Variants in DNAJC21 observed in about 807,000 individuals in gnomAD.
DNAJC21 encodes DnaJ heat shock protein family (Hsp40) member C21, also known as dnaJ homolog subfamily C member 21.
A neutral mutation model predicts 72.4 loss-of-function variants in DNAJC21; 63 were observed. The observed-to-expected ratio is 0.87, with a 90% CI of 0.71 to 1.07. DNAJC21 has a LOEUF of 1.07. DNAJC21 is among the 50% of genes least tolerant of loss of function. The pLI is 0.00. For synonymous variants in DNAJC21, 203 were observed against 216.7 expected (o/e 0.94, Z 0.56); for missense variants, 634 against 644.8 (o/e 0.98, Z 0.18).
intron 1 of DNAJC21, among the ~76,000 whole-genome samples, chr5:34,933,419 G>A (rs1764664859): frequency 6.6e-6 from 1 of 152,180 alleles, no homozygotes; most frequent in Non-Finnish European, 1.5e-5. Context: ...CTACAGGCAT[G>A]CGCCACCACA....
At chr5:34,949,412 C>A (rs1159103348) in intron 9 of DNAJC21, 3 of 1,413,590 alleles carry the variant, frequency 2.1e-6, no homozygotes, top group Non-Finnish European at 9.4e-7. Context: ...CTTGATTACA[C>A]CCCCTATCCT....
intron 9 of DNAJC21, among the ~76,000 whole-genome samples, chr5:34,946,777 A>C (rs1765186162): frequency 6.6e-6 from 1 of 152,178 alleles, no homozygotes; most frequent in African/African-American, 2.4e-5. Context: ...CAGTAAGGAC[A>C]AAATAAATGG....
chr5:34,953,454 G>A (rs1054396344), intron 10 of DNAJC21: 1 of 152,170 alleles, frequency 6.6e-6, no homozygotes, highest in Non-Finnish European at 1.5e-5. Flanking sequence ...TAGAGGCGGA[G>A]GTTTCACCAT....
intron 1 of DNAJC21, 141 bp from the exon 2 acceptor site, chr5:34,933,674 C>T (rs554227190): frequency 2.6e-5 from 15 of 581,410 alleles, no homozygotes; most frequent in Non-Finnish European, 4.2e-5. Context: ...TTGACTGTTA[C>T]GTGGAGTCTT....
At chr5:34,950,797 C>T (rs1765338877) in intron 10 of DNAJC21, 15 of 987,206 alleles carry the variant, frequency 1.5e-5, no homozygotes, top group Non-Finnish European at 1.8e-5. Context: ...CAGAGGAGCC[C>T]TGGACTCTTG....
chr5:34,938,819 G>A lies in DNAJC21; in HGVS notation c.744-39G>A, dbSNP rs773582882. Reference sequence around the variant, plus strand: ...AGTAGTAAGTGAAAACCATGCAGAGGCGTGCTTGTCGCTGTGAGACTGTGC... The same window carrying A: ...AGTAGTAAGTGAAAACCATGCAGAGACGTGCTTGTCGCTGTGAGACTGTGC... On this transcript the variant is annotated intron_variant, in intron 5 of 11. Transcript: ENST00000648817. The A allele has an allele frequency of 3.9e-6, 6 of 1,542,924 alleles. No individual in the cohort carries two copies. In the African/African-American group the frequency reaches 7.0e-5, roughly 18 times the overall value.
chr5:34,930,877 G>A (rs546570178), intron 1 of DNAJC21, among the ~76,000 whole-genome samples: 6 of 152,158 alleles, frequency 3.9e-5, no homozygotes, highest in African/African-American at 9.7e-5. Flanking sequence ...GAAAAAAATC[G>A]CAACATACAT....
At position 34,952,103 on chromosome 5, in the gene DNAJC21, G is replaced by A. The variant is rs1765387856; in HGVS notation, c.1358+1761G>A. The A allele has an allele frequency of 6.1e-6, 6 of 984,152 alleles. No homozygotes were observed. The South Asian group carries it at 2.8e-4, about 46-fold the overall frequency. 61.0% of individuals were successfully genotyped at this position (984,152 alleles called of 1,614,324 possible). A position where few individuals can be genotyped will look rare whatever the true frequency, so the allele number is the denominator to read the frequency against. On this transcript the variant is annotated intron_variant, in intron 10 of 11. Transcript: ENST00000648817. ...GTGGTGTGGACACTGGCCACCTACT[G>A]AGAAGTGTTTTTTTAAAAAATGTGT... is the stretch of plus-strand genomic sequence containing the variant.
At chr5:34,945,690 A>G in intron 8 of DNAJC21, 71 bp from the exon 9 acceptor site, 3 of 1,364,520 alleles carry the variant, frequency 2.2e-6, no homozygotes, top group Non-Finnish European at 9.9e-7. Flanking sequence ...CTAGTGTTTC[A>G]ACTTTTTTTT....
intron 8 of DNAJC21, 171 bp from the exon 9 acceptor site, chr5:34,945,589 TA>T: frequency 1.7e-6 from 1 of 578,306 alleles, no homozygotes; most frequent in Non-Finnish European, 2.9e-6. Flanking sequence ...TGTTATTCTC[TA>T]AAATGACAAT....
chr5:34,956,523 G>A lies in DNAJC21; in HGVS notation c.*1809G>A, dbSNP rs1260242945. 6.6e-6 allele frequency: 1 copy of A among 152,070 alleles called. No homozygotes were observed. The highest frequency in any genetic ancestry group is 6.6e-5 in the Admixed American group (1 of 15,264). The allele number at this position is 152,070 out of a possible 1,614,324, so 9.4% of individuals were successfully genotyped here. Reference sequence around the variant, plus strand: ...CTCTGCCGCCTTCTTATCTGAACTAGATGAATTGGCCATAATTATGAATAG... The same window carrying A: ...CTCTGCCGCCTTCTTATCTGAACTAAATGAATTGGCCATAATTATGAATAG... On this transcript the variant is annotated 3_prime_UTR_variant, in exon 12 of 12. Coordinates refer to ENST00000648817, the MANE Select transcript of DNAJC21 (RefSeq NM_001012339.3).
At chr5:34,933,567 T>C (rs974833197) in intron 1 of DNAJC21, among the ~76,000 whole-genome samples, 1 of 152,146 alleles carries the variant, frequency 6.6e-6, no homozygotes, top group Non-Finnish European at 1.5e-5. Context: ...GCGTGAGCCA[T>C]CACGCCCAGC....
At chr5:34,933,542 C>T (rs2112022890) in intron 1 of DNAJC21, among the ~76,000 whole-genome samples, 1 of 152,278 alleles carries the variant, frequency 6.6e-6, no homozygotes, top group South Asian at 2.1e-4. Flanking sequence ...TCCTAAAGTG[C>T]TGGGATTACA....
chr5:34,943,913 G>A (rs781094085), intron 7 of DNAJC21, among the ~76,000 whole-genome samples: 1 of 152,002 alleles, frequency 6.6e-6, no homozygotes, highest in Non-Finnish European at 1.5e-5. Flanking sequence ...CCACCCTTGT[G>A]TCCTTTTGAC....
intron 5 of DNAJC21, 49 bp from the exon 6 acceptor site, chr5:34,938,809 C>G (rs1245000125): frequency 6.7e-7 from 1 of 1,498,696 alleles, no homozygotes. Flanking sequence ...TAAGTGAAAA[C>G]CATGCAGAGG....
intron 10 of DNAJC21, 61 bp downstream of exon 10, chr5:34,950,403 T>C (rs1469976517): frequency 5.2e-6 from 8 of 1,538,490 alleles, no homozygotes; most frequent in Non-Finnish European, 6.1e-6. Flanking sequence ...GATGTAGCTT[T>C]TCATATATCA....
chr5:34,947,987 C>T (rs1181477142), intron 9 of DNAJC21, among the ~76,000 whole-genome samples: 2 of 151,976 alleles, frequency 1.3e-5, no homozygotes, highest in African/African-American at 2.4e-5. Flanking sequence ...TGAATTTGTT[C>T]ACAATGTAGG....
At chr5:34,953,158 A>AG (rs1448440186) in intron 10 of DNAJC21, among the ~76,000 whole-genome samples, 4 of 152,122 alleles carry the variant, frequency 2.6e-5, no homozygotes, top group African/African-American at 9.7e-5. Context: ...TCAAAAAAAA[A>AG]GTTAATGTTT....
Position 34,958,738 on chromosome 5 carries a change from A to C in DNAJC21, c.*4024A>C, listed in dbSNP as rs1421041639. The C allele has an allele frequency of 1.3e-5, 2 of 152,202 alleles. No homozygotes were observed. Among genetic ancestry groups the C allele is most frequent in the African/African-American group, 4.8e-5 (2 of 41,450 alleles). The allele number at this position is 152,202 out of a possible 1,614,324, so 9.4% of individuals were successfully genotyped here. On this transcript the variant is annotated 3_prime_UTR_variant, in exon 12 of 12. Coordinates refer to ENST00000648817, the MANE Select transcript of DNAJC21 (RefSeq NM_001012339.3). Reference sequence around the variant, plus strand: ...ATGCATTAGAACAGCAATTCTCAAAACTTTTGGTCTCAAGATCCCTTTACA... The same window carrying C: ...ATGCATTAGAACAGCAATTCTCAAACCTTTTGGTCTCAAGATCCCTTTACA...
Sources: allele counts gnomAD v4.1 joint callset (sites outside exome capture counted in the v4.1 genomes callset), GRCh38; gene constraint gnomAD v4.1.1; transcripts MANE v1.5; gene names NCBI Gene and HGNC (gene_info 2026-07-23, HGNC 2026-07-21).